Variants in TMEM132D observed in about 807,000 individuals in gnomAD.
TMEM132D encodes the protein mature OL transmembrane protein.
Under a neutral mutation model 62.3 loss-of-function variants are expected in TMEM132D, and 21 were observed. The ratio of observed to expected loss-of-function variants is 0.34; its 90% confidence interval spans 0.24 to 0.49. The LOEUF is 0.49. TMEM132D is among the 20% of genes least tolerant of loss of function. The probability of loss-of-function intolerance (pLI) is 0.99; values close to 1 mark genes in which losing one functional copy is unlikely to be tolerated. For synonymous variants in TMEM132D, 621 were observed against 575.6 expected, an observed-to-expected ratio of 1.08 and a Z score of -1.13; for missense variants, 1,346 against 1,402.8, an observed-to-expected ratio of 0.96 and a Z score of 0.65.
At chr12:129,568,222 G>C (rs1180850962) in intron 2 of TMEM132D, among the ~76,000 whole-genome samples, 1 of 152,164 alleles carries the variant, frequency 6.6e-6, no homozygotes, top group Non-Finnish European at 1.5e-5. Flanking sequence ...CTCACATTTG[G>C]AATTTTCAGT....
chr12:129,137,472 G>A (rs1370880480), intron 5 of TMEM132D, among the ~76,000 whole-genome samples: 1 of 152,164 alleles, frequency 6.6e-6, no homozygotes. Flanking sequence ...CTGGTGGTAA[G>A]CGGTTAAATT....
intron 3 of TMEM132D, among the ~76,000 whole-genome samples, chr12:129,504,844 A>G (rs900307594): frequency 4.5e-4 from 68 of 152,228 alleles, no homozygotes; most frequent in African/African-American, 1.5e-3. Flanking sequence ...TGATGTAGAC[A>G]TTTAGGGCTA....
At chr12:129,674,454 C>T (rs943393852) in intron 2 of TMEM132D, among the ~76,000 whole-genome samples, 1 of 152,142 alleles carries the variant, frequency 6.6e-6, no homozygotes, top group Non-Finnish European at 1.5e-5. Flanking sequence ...CAAATCATGT[C>T]CATCACAGCA....
chr12:129,291,233 A>G (rs12582277), intron 4 of TMEM132D, among the ~76,000 whole-genome samples: 21,234 of 152,188 alleles, frequency 0.14, 1,611 homozygotes, highest in South Asian at 0.22. Flanking sequence ...ATTTTAATGC[A>G]TGCTAATAGA....
At chr12:129,659,615 C>A (rs1593109176) in intron 2 of TMEM132D, among the ~76,000 whole-genome samples, 1 of 143,912 alleles carries the variant, frequency 6.9e-6, no homozygotes, top group African/African-American at 2.5e-5. Context: ...AAAAAAAAAA[C>A]CCAGTAACTC....
At chr12:129,420,538 G>A (rs954410399) in intron 3 of TMEM132D, among the ~76,000 whole-genome samples, 15 of 152,128 alleles carry the variant, frequency 9.9e-5, no homozygotes, top group Non-Finnish European at 1.9e-4. Context: ...CAGGACAGCC[G>A]CAACAGGCAA....
At chr12:129,320,658 C>A (rs1031445157) in intron 4 of TMEM132D, among the ~76,000 whole-genome samples, 2 of 151,878 alleles carry the variant, frequency 1.3e-5, no homozygotes, top group African/African-American at 4.8e-5. Context: ...AGGACATCAT[C>A]AAAAATGAAG....
chr12:129,680,214 C>A (rs1340926421), intron 2 of TMEM132D, among the ~76,000 whole-genome samples: 1 of 152,196 alleles, frequency 6.6e-6, no homozygotes, highest in Non-Finnish European at 1.5e-5. Context: ...CTTGGATAAT[C>A]TTGGGCTTCA....
In TMEM132D at chr12:129,753,396, C is replaced by A. The variant is rs189941111; in HGVS notation, c.80-52698G>T. On this transcript the variant is annotated intron_variant, in intron 1 of 8. Transcript: ENST00000422113. ...AGATCTAAAAGAAATCAGAAAGTAT[C>A]TTTTTCTTGAAACTTAATCTAATTG... Among the ~76,000 whole-genome samples the A allele has an allele frequency of 3.8e-3, 576 of 152,272 alleles. 4 individuals carry two copies. The highest frequency in any genetic ancestry group is 0.013 in the African/African-American group (553 of 41,548).
intron 2 of TMEM132D, among the ~76,000 whole-genome samples, chr12:129,597,787 G>C (rs1878376994): frequency 6.6e-6 from 1 of 152,154 alleles, no homozygotes; most frequent in Non-Finnish European, 1.5e-5. Flanking sequence ...ATGCCCCAAA[G>C]GTAGGATTTT....
intron 1 of TMEM132D, among the ~76,000 whole-genome samples, chr12:129,766,315 CT>C (rs771734836): frequency 1.3e-5 from 2 of 152,126 alleles, no homozygotes. Flanking sequence ...ATGGTAAAGC[CT>C]TTTCAGGAGA....
At chr12:129,729,927 C>A (rs1293917298) in intron 1 of TMEM132D, among the ~76,000 whole-genome samples, 2 of 152,142 alleles carry the variant, frequency 1.3e-5, no homozygotes, top group Non-Finnish European at 1.5e-5. Flanking sequence ...TGTGATATTC[C>A]CTGCCCTTGT....
chr12:129,329,686 G>C (rs1227455339), intron 4 of TMEM132D, among the ~76,000 whole-genome samples: 1 of 152,092 alleles, frequency 6.6e-6, no homozygotes, highest in Non-Finnish European at 1.5e-5. Flanking sequence ...TTCCAATGAG[G>C]GATAAGGCTG....
chr12:129,700,557 C>T lies in TMEM132D; in HGVS notation c.221G>A (p.Ser74Asn), dbSNP rs1210227609. The T allele has an allele frequency of 1.9e-6, 3 of 1,614,068 alleles. No homozygotes were observed. Among genetic ancestry groups the T allele is most frequent in the Non-Finnish European group, 2.5e-6 (3 of 1,180,014 alleles). The change falls in exon 2 of 9, where the codon AGC becomes AAC. Residue 74 changes from serine to asparagine, a missense_variant. By Grantham distance (46) the Ser-to-Asn change is conservative. Transcript: ENST00000422113. ...EANQDIMRNS[S>N]LQSRVESFLI... ...AAATGACTCCACCCGGGACTGCAGG[C>T]TGGAGTTCCTCATGATATCCTGGTT...
intron 5 of TMEM132D, among the ~76,000 whole-genome samples, chr12:129,093,875 CGCATA>C: frequency 8.0e-6 from 1 of 125,402 alleles, no homozygotes; most frequent in Non-Finnish European, 1.7e-5. Context: ...TCAGAAATGC[CGCATA>C]TCTACAACTA....
chr12:129,450,986 A>G (rs1472855996), intron 3 of TMEM132D, among the ~76,000 whole-genome samples: 1 of 150,338 alleles, frequency 6.7e-6, no homozygotes, highest in Non-Finnish European at 1.5e-5. Flanking sequence ...CTTGTCTAGA[A>G]CTCCTGACCT....
At position 129,455,267 on chromosome 12, in the gene TMEM132D, C is replaced by A. The variant is rs56816182; in HGVS notation, c.1115+75792G>T. On this transcript the variant is annotated intron_variant, in intron 3 of 8. Coordinates refer to ENST00000422113, the MANE Select transcript of TMEM132D (RefSeq NM_133448.3). Reference sequence around the variant, plus strand: ...GAATGAGCAGAGCTCTGGAGGTAGACATCCTGGATCCAGACCCCAGGTCCA... The same window carrying A: ...GAATGAGCAGAGCTCTGGAGGTAGAAATCCTGGATCCAGACCCCAGGTCCA... Among the ~76,000 whole-genome samples, 3,358 of 152,314 alleles carry A rather than the reference C, an allele frequency of 0.022. 304 individuals are homozygous for A. In the East Asian group the frequency reaches 0.29, roughly 13 times the overall value.
intron 1 of TMEM132D, among the ~76,000 whole-genome samples, chr12:129,750,049 G>A (rs1030616380): frequency 1.3e-5 from 2 of 152,246 alleles, no homozygotes; most frequent in Admixed American, 6.5e-5. Flanking sequence ...CTCTACTGAC[G>A]ATGATGCCTG....
intron 3 of TMEM132D, among the ~76,000 whole-genome samples, chr12:129,503,023 A>G (rs1197788790): frequency 6.6e-6 from 1 of 152,226 alleles, no homozygotes; most frequent in Non-Finnish European, 1.5e-5. Flanking sequence ...AGTACATATC[A>G]CACAATAGGT....
Sources: allele counts gnomAD v4.1 joint callset (sites outside exome capture counted in the v4.1 genomes callset), GRCh38; gene constraint gnomAD v4.1.1; transcripts MANE v1.5; gene names NCBI Gene and HGNC (gene_info 2026-07-23, HGNC 2026-07-21).